HTR1E: variants seen among roughly 807,000 people sequenced by gnomAD.
HTR1E encodes 5-HT-1E.
Under a neutral mutation model 3.4 loss-of-function variants are expected in HTR1E, and 3 were observed. That is an observed-to-expected ratio of 0.89 (90% CI 0.41 to 2.31). HTR1E has a LOEUF of 2.31. Ranked by LOEUF, HTR1E falls within the 30% of genes most tolerant of loss-of-function variation. The probability of loss-of-function intolerance (pLI) is 0.05; values close to 1 mark genes in which losing one functional copy is unlikely to be tolerated. For missense variants in HTR1E, 392 were observed against 467.0 expected, an observed-to-expected ratio of 0.84 and a Z score of 1.48; for synonymous variants, 170 against 182.8, an observed-to-expected ratio of 0.93 and a Z score of 0.56.
chr6:86,956,072 A>G (rs1767318353), intron 1 of HTR1E, among the ~76,000 whole-genome samples: 1 of 152,188 alleles, frequency 6.6e-6, no homozygotes, highest in Non-Finnish European at 1.5e-5. Flanking sequence ...AGACTGACCA[A>G]AGAGATTCTT....
intron 1 of HTR1E, among the ~76,000 whole-genome samples, chr6:86,941,134 T>C (rs1029336769): frequency 2.0e-5 from 3 of 152,200 alleles, no homozygotes; most frequent in Non-Finnish European, 4.4e-5. Context: ...CCCCTAAAAT[T>C]TGGGGCTTAG....
chr6:86,989,902 C>CA (rs555496766), intron 1 of HTR1E, among the ~76,000 whole-genome samples: 35 of 146,086 alleles, frequency 2.4e-4, no homozygotes, highest in Non-Finnish European at 2.4e-4. Context: ...TAAGTTGAGC[C>CA]AAAAAAAAAA....
chr6:86,989,746 G>C (rs1181311772), intron 1 of HTR1E, among the ~76,000 whole-genome samples: 1 of 152,126 alleles, frequency 6.6e-6, no homozygotes, highest in African/African-American at 2.4e-5. Context: ...TTTACAGATA[G>C]GGAAACAGAG....
At chr6:86,944,492 T>G (rs1235907638) in intron 1 of HTR1E, among the ~76,000 whole-genome samples, 1 of 152,194 alleles carries the variant, frequency 6.6e-6, no homozygotes, top group Non-Finnish European at 1.5e-5. Context: ...CTATACAATA[T>G]CAAGATTTTA....
chr6:87,015,875 A>T lies in HTR1E; in HGVS notation c.541A>T (p.Ile181Phe). The T allele has an allele frequency of 6.2e-7, 1 of 1,613,538 alleles. No homozygotes were observed. The highest frequency in any genetic ancestry group is 1.3e-5 in the African/African-American group (1 of 74,990). The change falls in exon 2 of 2, where the codon ATC (isoleucine) becomes TTC (phenylalanine). Residue 181 changes from isoleucine to phenylalanine, a missense_variant. Ile to Phe is a conservative substitution (Grantham distance 21, BLOSUM62 0). This residue lies in a region of HTR1E where 189 missense variants were observed against 258.0 expected (regional missense o/e 0.73). Coordinates refer to ENST00000305344, the MANE Select transcript of HTR1E (RefSeq NM_000865.3). ...SQCTIQHDHV[I>F]YTIYSTLGAF... ...GTGCACCATCCAGCACGACCATGTTATCTACACCATTTACTCCACGCTGGG... is the reference window on the plus strand; with the variant it reads ...GTGCACCATCCAGCACGACCATGTTTTCTACACCATTTACTCCACGCTGGG...
intron 1 of HTR1E, among the ~76,000 whole-genome samples, chr6:86,949,085 G>A (rs144685517): frequency 6.0e-4 from 91 of 152,284 alleles, no homozygotes; most frequent in African/African-American, 2.1e-3. Flanking sequence ...CTTTTAAAAG[G>A]TCTTTAATAA....
chr6:86,986,026 A>G (rs1027370092), intron 1 of HTR1E, among the ~76,000 whole-genome samples: 3 of 152,152 alleles, frequency 2.0e-5, no homozygotes, highest in African/African-American at 7.2e-5. Context: ...TCCTTCTGTC[A>G]TCCCCTCTTA....
At chr6:87,011,533 C>G (rs1271186137) in intron 1 of HTR1E, among the ~76,000 whole-genome samples, 3 of 152,158 alleles carry the variant, frequency 2.0e-5, no homozygotes, top group Admixed American at 6.5e-5. Flanking sequence ...ATAATATTTT[C>G]TGGTAATTCA....
chr6:87,015,781 C>T lies in HTR1E; in HGVS notation c.447C>T (p.Ile149=), dbSNP rs1233754722. 1 of 1,610,706 alleles carries T rather than the reference C, an allele frequency of 6.2e-7. No homozygotes were observed. Among genetic ancestry groups the T allele is most frequent in the African/African-American group, 1.3e-5 (1 of 74,856 alleles). The change falls in exon 2 of 2, where the codon ATC becomes ATT. Residue 149 remains isoleucine, a synonymous_variant. Transcript: ENST00000305344. ...TGATGATCCTTACCGTCTGGACCAT[C>T]TCCATTTTCATCTCCATGCCCCCTC... ...AALMILTVWT[I]SIFISMPPLF...
chr6:86,988,282 G>A (rs577319624), intron 1 of HTR1E, among the ~76,000 whole-genome samples: 8 of 152,140 alleles, frequency 5.3e-5, no homozygotes, highest in Non-Finnish European at 7.4e-5. Context: ...AGTTTACCAC[G>A]GGAAGTACAC....
intron 1 of HTR1E, among the ~76,000 whole-genome samples, chr6:86,955,170 C>T (rs547156001): frequency 4.6e-5 from 7 of 152,186 alleles, no homozygotes; most frequent in Non-Finnish European, 8.8e-5. Flanking sequence ...CCATTGAAAG[C>T]AGACATGGTT....
chr6:87,004,554 A>T (rs945438301), intron 1 of HTR1E, among the ~76,000 whole-genome samples: 1 of 152,148 alleles, frequency 6.6e-6, no homozygotes, highest in Non-Finnish European at 1.5e-5. Flanking sequence ...TCCCTTCATG[A>T]TTGATAACCC....
At chr6:86,938,251 G>A (rs1166520843) in intron 1 of HTR1E, among the ~76,000 whole-genome samples, 3 of 152,170 alleles carry the variant, frequency 2.0e-5, no homozygotes, top group Non-Finnish European at 4.4e-5. Flanking sequence ...AAAGCCAGCT[G>A]ATTAAAAAAC....
chr6:86,998,390 G>C (rs1016861311), intron 1 of HTR1E, among the ~76,000 whole-genome samples: 2 of 152,004 alleles, frequency 1.3e-5, no homozygotes, highest in African/African-American at 4.8e-5. Context: ...TATTCTATGA[G>C]CCTGAGTACA....
chr6:86,982,505 T>A (rs892005734), intron 1 of HTR1E, among the ~76,000 whole-genome samples: 3 of 152,302 alleles, frequency 2.0e-5, no homozygotes, highest in African/African-American at 7.2e-5. Context: ...GGAGTGAGAA[T>A]CCAGGAATGG....
At position 87,016,290 on chromosome 6, in the gene HTR1E, A is replaced by G; in HGVS notation, c.956A>G (p.Tyr319Cys). The G allele has an allele frequency of 6.2e-7, 1 of 1,614,124 alleles. No homozygotes were observed. Among genetic ancestry groups the G allele is most frequent in the Non-Finnish European group, 8.5e-7 (1 of 1,180,034 alleles). ...GAGTTGATTGTGGGTCTGAGCATCT[A>G]CACCGTGTCCTCGGAAGTGGCCGAC... ...IKELIVGLSI[Y>C]TVSSEVADFL... The change falls in exon 2 of 2, where the codon TAC becomes TGC. Residue 319 changes from tyrosine to cysteine, a missense_variant. By Grantham distance (194) the Tyr-to-Cys change is radical. Coordinates refer to ENST00000305344, the MANE Select transcript of HTR1E (RefSeq NM_000865.3).
rs1042787602 is a variant in HTR1E, at chr6:87,012,677, A to G, written c.-185-2473A>G. On this transcript the variant is annotated intron_variant, in intron 1 of 1. Transcript: ENST00000305344. ...ACCCAATGCAAAAATCACTGGGAAA[A>G]TTAGTATAACAAATGACCGCAAACA... Among the ~76,000 whole-genome samples the G allele has an allele frequency of 3.3e-5, 5 of 152,248 alleles. No homozygotes were observed. In the South Asian group the frequency reaches 8.3e-4, roughly 25 times the overall value.
intron 1 of HTR1E, among the ~76,000 whole-genome samples, chr6:87,005,329 T>C (rs77746634): frequency 0.13 from 20,284 of 152,126 alleles, 2,196 homozygotes; most frequent in African/African-American, 0.29. Context: ...CATTACTTGA[T>C]TTCAAGTTAT....
chr6:87,012,515 A>G (rs1434895108), intron 1 of HTR1E, among the ~76,000 whole-genome samples: 1 of 152,194 alleles, frequency 6.6e-6, no homozygotes, highest in East Asian at 1.9e-4. Flanking sequence ...TTACCCATGA[A>G]ACAAATCTGC....
Sources: gnomAD v4.1 joint callset for allele counts (sites outside exome capture counted in the v4.1 genomes callset) on GRCh38, gnomAD v4.1.1 for gene constraint, gnomAD v4.1.1 regional missense constraint, MANE v1.5 for transcripts, NCBI Gene and HGNC (gene_info 2026-07-23, HGNC 2026-07-21) for gene names.